TP53BP1: variants seen among roughly 807,000 people sequenced by gnomAD.
The protein encoded by TP53BP1 is TP53-binding protein 1.
Under a neutral mutation model 200.8 loss-of-function variants are expected in TP53BP1, and 61 were observed. That is an observed-to-expected ratio of 0.30 (90% CI 0.25 to 0.38). TP53BP1 has a LOEUF of 0.38. Ranked by LOEUF, TP53BP1 falls within the 10% of genes least tolerant of loss-of-function variation. The pLI is 1.00. For missense variants in TP53BP1, 2,144 were observed against 2,371.9 expected (o/e 0.90, Z 2.00); for synonymous variants, 822 against 844.3 (o/e 0.97, Z 0.46).
chr15:43,432,052 A>G, intron 17 of TP53BP1, 142 bp downstream of exon 17: 1 of 1,163,214 alleles, frequency 8.6e-7, no homozygotes, highest in South Asian at 1.7e-5. Flanking sequence ...GTATCTTAGA[A>G]AAGTTGTTTT....
At chr15:43,480,138 C>A (rs2078941913) in intron 5 of TP53BP1, 121 bp from the exon 6 acceptor site, 1 of 847,352 alleles carries the variant, frequency 1.2e-6, no homozygotes, top group Non-Finnish European at 1.8e-6. Context: ...GTGCACCCCC[C>A]AAATTTTTCA....
chr15:43,466,779 T>G (rs757934730), intron 11 of TP53BP1, among the ~76,000 whole-genome samples: 1 of 152,002 alleles, frequency 6.6e-6, no homozygotes, highest in Non-Finnish European at 1.5e-5. Flanking sequence ...ATGGCCTGAG[T>G]ACAGAAGTTC....
At chr15:43,458,061 A>T (rs1339861049) in intron 11 of TP53BP1, among the ~76,000 whole-genome samples, 1 of 152,062 alleles carries the variant, frequency 6.6e-6, no homozygotes, top group African/African-American at 2.4e-5. Context: ...AATAAAATCC[A>T]AAGCTTACAA....
At chr15:43,452,425 G>A (rs998074969) in intron 12 of TP53BP1, among the ~76,000 whole-genome samples, 1 of 151,964 alleles carries the variant, frequency 6.6e-6, no homozygotes, top group Non-Finnish European at 1.5e-5. Context: ...AAGCATGCTG[G>A]TACACGCCTG....
chr15:43,479,330 T>G, intron 7 of TP53BP1, 67 bp downstream of exon 7: 1 of 1,421,646 alleles, frequency 7.0e-7, no homozygotes, highest in East Asian at 2.5e-5. Context: ...TGTTTTCATC[T>G]GGTAAAATGA....
At chr15:43,474,019 C>G (rs1167959142) in intron 10 of TP53BP1, among the ~76,000 whole-genome samples, 1 of 152,252 alleles carries the variant, frequency 6.6e-6, no homozygotes, top group Non-Finnish European at 1.5e-5. Context: ...TCCTGCCCCA[C>G]TGGAAGGCAG....
At chr15:43,452,450 C>A (rs983954358) in intron 12 of TP53BP1, among the ~76,000 whole-genome samples, 1 of 151,896 alleles carries the variant, frequency 6.6e-6, no homozygotes, top group East Asian at 1.9e-4. Flanking sequence ...CCCGGCTTCT[C>A]GGGGCGGGGG....
At chr15:43,460,551 G>A (rs1481796817) in intron 11 of TP53BP1, among the ~76,000 whole-genome samples, 2 of 152,038 alleles carry the variant, frequency 1.3e-5, no homozygotes, top group African/African-American at 4.8e-5. Context: ...GAGCCACCAC[G>A]CTCAGGCTTT....
intron 12 of TP53BP1, among the ~76,000 whole-genome samples, chr15:43,452,968 G>A (rs1025601327): frequency 1.3e-5 from 2 of 152,026 alleles, no homozygotes; most frequent in Non-Finnish European, 2.9e-5. Context: ...GCCGAGGCGG[G>A]CGGATCACGA....
At chr15:43,461,079 A>G (rs948586674) in intron 11 of TP53BP1, among the ~76,000 whole-genome samples, 1 of 152,020 alleles carries the variant, frequency 6.6e-6, no homozygotes, top group African/African-American at 2.4e-5. Flanking sequence ...GAAATTCTAT[A>G]CCCCATAATC....
chr15:43,505,019 C>CA, intron 1 of TP53BP1, among the ~76,000 whole-genome samples: 1 of 151,618 alleles, frequency 6.6e-6, no homozygotes, highest in South Asian at 2.1e-4. Flanking sequence ...GACTCCGTTT[C>CA]AAAAAATAAA....
At chr15:43,458,835 T>C (rs1049678203) in intron 11 of TP53BP1, among the ~76,000 whole-genome samples, 2 of 152,068 alleles carry the variant, frequency 1.3e-5, no homozygotes, top group East Asian at 1.9e-4. Flanking sequence ...AGCAACGATG[T>C]TGAACAACTG....
chr15:43,493,207 G>A, upstream of TP53BP1: 1 of 1,455,012 alleles, frequency 6.9e-7, no homozygotes. Flanking sequence ...CGCTGCCGCC[G>A]CCCGCCACTC....
intron 1 of TP53BP1, among the ~76,000 whole-genome samples, chr15:43,499,823 T>C (rs965814223): frequency 2.6e-5 from 4 of 152,156 alleles, no homozygotes; most frequent in African/African-American, 9.7e-5. Context: ...GAGCAGTGTA[T>C]AAGGATGAGT....
intron 18 of TP53BP1, 96 bp from the exon 19 acceptor site, chr15:43,422,222 A>C: frequency 7.3e-7 from 1 of 1,378,102 alleles, no homozygotes; most frequent in Non-Finnish European, 9.9e-7. Context: ...ACAAAATTAT[A>C]ATTCAAAAAG....
intron 24 of TP53BP1, among the ~76,000 whole-genome samples, chr15:43,411,638 G>A (rs1395018827): frequency 6.6e-6 from 1 of 152,240 alleles, no homozygotes; most frequent in Admixed American, 6.5e-5. Flanking sequence ...GTACTGTTGG[G>A]CTGCGCCCAA....
Position 43,432,368 on chromosome 15 carries a change from C to T in TP53BP1, c.3501G>A (p.Arg1167=), listed in dbSNP as rs1031962789. Residue 1167 remains arginine, a synonymous_variant, in exon 17 of 28, where the codon AGG becomes AGA. Transcript: ENST00000382044. The part of the protein sequence containing the change: ...IGIQTMECSL[R]VPETVSAATQ... The stretch of plus-strand genomic sequence containing the variant: ...TTGCTGCTGAAACAGTTTCTGGGAC[C>T]CTCAAGGAACACTCCATGGTTTGGA... 1.2e-6 allele frequency: 2 copies of T among 1,614,150 alleles called. No individual in the cohort carries two copies. The highest frequency in any genetic ancestry group is 1.7e-6 in the Non-Finnish European group (2 of 1,180,010).
At position 43,424,942 on chromosome 15, in the gene TP53BP1, T is replaced by C. The variant is rs916870246; in HGVS notation, c.3829-2816A>G. The stretch of plus-strand genomic sequence containing the variant: ...TTAGTTCATTCATGGATTAACGGAA[T>C]TACGAGCTAACAGATTAATGAGTTA... On this transcript the variant is annotated intron_variant, in intron 18 of 27. Transcript: ENST00000382044. 3.9e-5 allele frequency among the ~76,000 whole-genome samples: 6 copies of C among 152,282 alleles called. No homozygotes were observed. In the East Asian group the frequency reaches 1.2e-3, roughly 29 times the overall value.
chr15:43,411,071 A>G (rs1436694702), intron 24 of TP53BP1, among the ~76,000 whole-genome samples: 1 of 152,136 alleles, frequency 6.6e-6, no homozygotes, highest in Non-Finnish European at 1.5e-5. Flanking sequence ...CACCCCTTAC[A>G]GTCCTGTATT....
Sources: allele counts gnomAD v4.1 joint callset (sites outside exome capture counted in the v4.1 genomes callset), GRCh38; gene constraint gnomAD v4.1.1; transcripts MANE v1.5; gene names NCBI Gene and HGNC (gene_info 2026-07-23, HGNC 2026-07-21).